Variants in SVIL observed in about 807,000 individuals in gnomAD.
SVIL encodes the protein archvillin.
A neutral mutation model predicts 240.4 loss-of-function variants in SVIL; 101 were observed. The ratio of observed to expected loss-of-function variants is 0.42; its 90% CI spans 0.36 to 0.50. SVIL has a LOEUF of 0.50. Ranked by LOEUF, SVIL falls within the 20% of genes least tolerant of loss-of-function variation. The probability of loss-of-function intolerance (pLI) is 0.01; values close to 1 mark genes in which losing one functional copy is unlikely to be tolerated. For missense variants in SVIL, 2,512 were observed against 2,818.7 expected (o/e 0.89, Z 2.46); for synonymous variants, 999 against 1,100.0 (o/e 0.91, Z 1.82).
intron 5 of SVIL, among the ~76,000 whole-genome samples, chr10:29,553,980 G>A (rs920168359): frequency 3.9e-5 from 6 of 152,190 alleles, no homozygotes; most frequent in African/African-American, 1.4e-4. Context: ...GGGCCCTGAG[G>A]GTGAAGAAAG....
chr10:29,532,826 T>A lies in SVIL; in HGVS notation c.1541A>T (p.Glu514Val). Residue 514 changes from glutamate (E) to valine (V), a missense_variant, in exon 8 of 38, where the codon GAG becomes GTG. Glu to Val is a moderately radical substitution (Grantham distance 121). This residue lies in a region of SVIL where 1,443 missense variants were observed against 1,486.6 expected (regional missense o/e 0.97). Transcript: ENST00000355867. ...CTCACTTTGAATGTAGAGAACCATC[T>A]CGCTCCTGCCTGTCCTCTCAGTGGG... ...HQPTERTGRS[E>V]MVLYIQSEPV... is the part of the protein sequence containing the mutation. The A allele has an allele frequency of 6.2e-7, 1 of 1,614,130 alleles. No homozygotes were observed. Among genetic ancestry groups the A allele is most frequent in the South Asian group, 1.1e-5 (1 of 91,072 alleles).
At chr10:29,583,542 C>T (rs1318425963) in intron 1 of SVIL, among the ~76,000 whole-genome samples, 1 of 152,158 alleles carries the variant, frequency 6.6e-6, no homozygotes, top group Non-Finnish European at 1.5e-5. Context: ...TCAAGCAATC[C>T]TCCCACCTCG....
At chr10:29,541,945 A>G (rs1355341790) in intron 6 of SVIL, among the ~76,000 whole-genome samples, 1 of 152,172 alleles carries the variant, frequency 6.6e-6, no homozygotes, top group Non-Finnish European at 1.5e-5. Context: ...ACAAAGCAGA[A>G]AGAGCTTTGT....
chr10:29,565,325 A>C (rs1317812140), intron 2 of SVIL, among the ~76,000 whole-genome samples: 1 of 152,238 alleles, frequency 6.6e-6, no homozygotes, highest in East Asian at 1.9e-4. Context: ...CTGGCTTCAC[A>C]GGCACTTATT....
At chr10:29,522,331 A>G in intron 16 of SVIL, 79 bp downstream of exon 16, 1 of 1,320,620 alleles carries the variant, frequency 7.6e-7, no homozygotes, top group Non-Finnish European at 1.1e-6. Flanking sequence ...CTCTTTGCCC[A>G]TCACCGAGAT....
Position 29,481,334 on chromosome 10 carries a change from C to T in SVIL, c.5100+250G>A, listed in dbSNP as rs370205501. Among the ~76,000 whole-genome samples, 24 of 151,804 alleles carry T rather than the reference C, an allele frequency of 1.6e-4. No homozygotes were observed. In the East Asian group the frequency reaches 4.1e-3, roughly 26 times the overall value. On this transcript the variant is annotated intron_variant, in intron 28 of 37. Transcript: ENST00000355867. ...GGAAGATAGGGAGATGTTGGCCAACCGGTACAAAGTGACAGAGAGGAGGAA... is the reference window on the plus strand; with the variant it reads ...GGAAGATAGGGAGATGTTGGCCAACTGGTACAAAGTGACAGAGAGGAGGAA...
At chr10:29,559,435 G>C (rs535572738) in intron 3 of SVIL, among the ~76,000 whole-genome samples, 29 of 152,204 alleles carry the variant, frequency 1.9e-4, no homozygotes, top group Middle Eastern at 3.4e-3. Flanking sequence ...AAATTCTTCA[G>C]TGTGTATTTC....
At chr10:29,499,872 T>A (rs1211018985) in intron 17 of SVIL, among the ~76,000 whole-genome samples, 1 of 152,232 alleles carries the variant, frequency 6.6e-6, no homozygotes, top group Non-Finnish European at 1.5e-5. Flanking sequence ...AGACATCTGA[T>A]GTTGAGGGTG....
intron 29 of SVIL, among the ~76,000 whole-genome samples, chr10:29,479,306 C>T (rs534943428): frequency 6.6e-6 from 1 of 152,352 alleles, no homozygotes; most frequent in African/African-American, 2.4e-5. Flanking sequence ...TGTCCAGCTC[C>T]ACTCCCTGCT....
intron 3 of SVIL, among the ~76,000 whole-genome samples, chr10:29,561,165 A>T (rs1299764428): frequency 6.6e-6 from 1 of 152,200 alleles, no homozygotes; most frequent in Non-Finnish European, 1.5e-5. Flanking sequence ...TTTAGGGACC[A>T]TGTTAATTTA....
chr10:29,474,630 T>C (rs1277980138), intron 29 of SVIL, among the ~76,000 whole-genome samples: 1 of 136,808 alleles, frequency 7.3e-6, no homozygotes, highest in African/African-American at 2.6e-5. Flanking sequence ...AATAAATAAA[T>C]AAATAAATAA....
intron 1 of SVIL, among the ~76,000 whole-genome samples, chr10:29,619,532 A>G (rs1957549684): frequency 1.3e-5 from 2 of 152,210 alleles, no homozygotes. Context: ...TGGAAGTGTA[A>G]GAGCCAAACT....
At position 29,711,763 on chromosome 10, in the gene SVIL, AG is replaced by A. The variant is rs766667740; in HGVS notation, c.-400+23987del. Among the ~76,000 whole-genome samples, 82 of 151,932 alleles carry A rather than the reference AG, an allele frequency of 5.4e-4. 2 individuals are homozygous for A. The East Asian group carries it at 9.9e-3, about 18-fold the overall frequency. ...TGACACAAAGTGAGACTCTGTCTCA[AG>A]GAAAAAAAAAAAAAGTGCCATGATT... On this transcript the variant is annotated intron_variant, in intron 1 of 35. Coordinates refer to the SVIL transcript ENST00000375400.
intron 1 of SVIL, among the ~76,000 whole-genome samples, chr10:29,711,571 G>A (rs1963286947): frequency 6.6e-6 from 1 of 151,912 alleles, no homozygotes; most frequent in South Asian, 2.1e-4. Context: ...GACCAGCCTG[G>A]CCAACATGGT....
At chr10:29,600,745 G>A (rs1475224588) in intron 1 of SVIL, among the ~76,000 whole-genome samples, 1 of 152,196 alleles carries the variant, frequency 6.6e-6, no homozygotes, top group Admixed American at 6.5e-5. Context: ...GGGTAGAATT[G>A]TGATGAGAAC....
intron 16 of SVIL, among the ~76,000 whole-genome samples, chr10:29,515,735 G>A (rs924316086): frequency 6.6e-6 from 1 of 152,144 alleles, no homozygotes; most frequent in Non-Finnish European, 1.5e-5. Flanking sequence ...TAAAAGTCAT[G>A]AGCTCTGGTC....
chr10:29,708,280 A>AAAAAG (rs1963045319), intron 1 of SVIL, among the ~76,000 whole-genome samples: 1 of 131,496 alleles, frequency 7.6e-6, no homozygotes, highest in African/African-American at 3.0e-5. Flanking sequence ...AAAAAAAAAA[A>AAAAAG]TGTACAAATT....
chr10:29,651,486 A>T (rs1469857116), intron 3 of SVIL, among the ~76,000 whole-genome samples: 1 of 151,986 alleles, frequency 6.6e-6, no homozygotes, highest in East Asian at 1.9e-4. Context: ...TCTCGGTAGG[A>T]CTTACTTTGT....
intron 6 of SVIL, among the ~76,000 whole-genome samples, chr10:29,541,142 T>A (rs1952122995): frequency 6.6e-6 from 1 of 152,232 alleles, no homozygotes; most frequent in South Asian, 2.1e-4. Flanking sequence ...TGTCTTTTAA[T>A]CTTGTGTGAC....
Sources: allele counts gnomAD v4.1 joint callset (sites outside exome capture counted in the v4.1 genomes callset), GRCh38; gene constraint gnomAD v4.1.1; regional missense constraint gnomAD v4.1.1; transcripts MANE v1.5; gene names NCBI Gene and HGNC (gene_info 2026-07-23, HGNC 2026-07-21).